The following DENND4C variants were observed in gnomAD, a reference collection of about 807,000 sequenced individuals.
The protein encoded by DENND4C is DENN domain containing 4C, also known as DENN domain-containing protein 4C.
A neutral mutation model predicts 203.0 loss-of-function variants in DENND4C; 108 were observed. The ratio of observed to expected loss-of-function variants is 0.53; its 90% CI spans 0.46 to 0.62. The LOEUF (loss-of-function observed/expected upper bound fraction) is 0.62. Ranked by LOEUF, DENND4C falls within the 20% of genes least tolerant of loss-of-function variation. The probability of loss-of-function intolerance (pLI) is 0.00; values close to 1 mark genes in which losing one functional copy is unlikely to be tolerated. For missense variants in DENND4C, 2,481 were observed against 2,301.2 expected (o/e 1.08, Z -1.60); for synonymous variants, 871 against 792.4 (o/e 1.10, Z -1.67).
chr9:19,297,737 C>T (rs1208090274), intron 6 of DENND4C, among the ~76,000 whole-genome samples: 2 of 152,126 alleles, frequency 1.3e-5, no homozygotes, highest in Admixed American at 1.3e-4. Context: ...CAGTTAGTTG[C>T]TCCCTGTACT....
In DENND4C at chr9:19,374,269, T is replaced by C. The variant is rs541011517; in HGVS notation, c.*2096T>C. Reference sequence around the variant, plus strand: ...CCATTAAAAAAAATCTGTAAAGATCTCTACCTTGAAAACTTTAGTCTGCTG... The same window carrying C: ...CCATTAAAAAAAATCTGTAAAGATCCCTACCTTGAAAACTTTAGTCTGCTG... On this transcript the variant is annotated 3_prime_UTR_variant, in exon 33 of 33. Coordinates refer to ENST00000434457, the MANE Select transcript of DENND4C (RefSeq NM_001330640.2). 6.6e-6 allele frequency among the ~76,000 whole-genome samples: 1 copy of C among 152,202 alleles called. No homozygotes were observed. Among genetic ancestry groups the C allele is most frequent in the African/African-American group, 2.4e-5 (1 of 41,460 alleles).
In DENND4C at chr9:19,230,829, A is replaced by T. The variant is rs188803404; in HGVS notation, c.-22A>T. 6.6e-6 allele frequency: 1 copy of T among 152,570 alleles called. No homozygotes were observed. The highest frequency in any genetic ancestry group is 1.5e-5 in the Non-Finnish European group (1 of 68,328). The allele number at this position is 152,570 out of a possible 1,614,324, so 9.5% of individuals were successfully genotyped here. On this transcript the variant is annotated 5_prime_UTR_variant, in exon 1 of 33. Coordinates refer to ENST00000434457, the MANE Select transcript of DENND4C (RefSeq NM_001330640.2). ...GGGCTGCGCTGACAGAGGAGCAGGC[A>T]GCAGGTGAGGCTGCGGCGCGGGGCC...
intron 1 of DENND4C, among the ~76,000 whole-genome samples, chr9:19,231,232 G>T (rs1820464854): frequency 6.6e-6 from 1 of 152,220 alleles, no homozygotes; most frequent in Admixed American, 6.5e-5. Flanking sequence ...TCCCAGAGGG[G>T]GTCGAGGCTG....
chr9:19,290,209 A>G (rs760042342), intron 4 of DENND4C, among the ~76,000 whole-genome samples: 2 of 152,154 alleles, frequency 1.3e-5, no homozygotes, highest in Non-Finnish European at 2.9e-5. Flanking sequence ...GTACTTAGTC[A>G]CAGTGTTTCT....
chr9:19,259,680 T>C (rs538212392), intron 1 of DENND4C, among the ~76,000 whole-genome samples: 1 of 152,044 alleles, frequency 6.6e-6, no homozygotes, highest in South Asian at 2.1e-4. Flanking sequence ...TAATTTTGTA[T>C]TTTTAGTAGA....
At chr9:19,331,013 G>A (rs900614906) in intron 16 of DENND4C, among the ~76,000 whole-genome samples, 2 of 151,516 alleles carry the variant, frequency 1.3e-5, no homozygotes, top group African/African-American at 4.9e-5. Flanking sequence ...CTGAGATCAC[G>A]CCATTGCACT....
chr9:19,310,642 T>A (rs1000333231), intron 10 of DENND4C, among the ~76,000 whole-genome samples: 1 of 152,150 alleles, frequency 6.6e-6, no homozygotes, highest in Non-Finnish European at 1.5e-5. Flanking sequence ...GTCATTAAAA[T>A]TTTTTTTAAA....
intron 1 of DENND4C, among the ~76,000 whole-genome samples, chr9:19,234,766 C>G (rs1411639733): frequency 6.6e-6 from 1 of 151,862 alleles, no homozygotes; most frequent in East Asian, 1.9e-4. Flanking sequence ...TGGTCTTGAA[C>G]TCTAAGTTCA....
Position 19,316,721 on chromosome 9 carries a change from A to G in DENND4C, c.1689A>G (p.Gln563=), listed in dbSNP as rs1296997697. Reference sequence around the variant, plus strand: ...TGACACAGCTTGAGATGGAAATTCAAGAGGCATTTTTGCGCTTTATGGCGT... The same window carrying G: ...TGACACAGCTTGAGATGGAAATTCAGGAGGCATTTTTGCGCTTTATGGCGT... ...KKMTQLEMEI[Q]EAFLRFMASI... is the part of the protein sequence containing the mutation. The change falls in exon 12 of 33, where the codon CAA becomes CAG. Residue 563 remains glutamine (Q), a synonymous_variant. Coordinates refer to ENST00000434457, the MANE Select transcript of DENND4C (RefSeq NM_001330640.2). 1.9e-6 allele frequency: 3 copies of G among 1,614,032 alleles called. No homozygotes were observed. Among genetic ancestry groups the G allele is most frequent in the Non-Finnish European group, 1.7e-6 (2 of 1,180,024 alleles).
rs772264387 is a variant in DENND4C at position 19,290,662 on chromosome 9, G to A, written c.629-42G>A. 5.7e-5 allele frequency: 74 copies of A among 1,297,672 alleles called. 1 individual carries two copies. The highest frequency in any genetic ancestry group is 1.4e-5 in the Non-Finnish European group (14 of 1,001,298). The allele number at this position is 1,297,672 out of a possible 1,614,324, so 80.4% of individuals were successfully genotyped here. A position where few individuals can be genotyped will look rare whatever the true frequency, so the allele number is the denominator to read the frequency against. On this transcript the variant is annotated intron_variant, in intron 4 of 32. Coordinates refer to ENST00000434457, the MANE Select transcript of DENND4C (RefSeq NM_001330640.2). ...CCTATCATATGCAATTTATGGAAAAGTAACTATTTAAAAAATTTATTGTTG... is the reference window on the plus strand; with the variant it reads ...CCTATCATATGCAATTTATGGAAAAATAACTATTTAAAAAATTTATTGTTG...
At chr9:19,275,270 G>T (rs1374746569) in intron 1 of DENND4C, among the ~76,000 whole-genome samples, 1 of 136,522 alleles carries the variant, frequency 7.3e-6, no homozygotes, top group Admixed American at 7.6e-5. Flanking sequence ...GAGCCACCAG[G>T]CCCGGCCTTT....
At chr9:19,304,358 T>G (rs1839219570) in intron 9 of DENND4C, among the ~76,000 whole-genome samples, 1 of 151,178 alleles carries the variant, frequency 6.6e-6, no homozygotes, top group Non-Finnish European at 1.5e-5. Context: ...CTAATTTTTG[T>G]GTTTCAGTAG....
intron 1 of DENND4C, among the ~76,000 whole-genome samples, chr9:19,240,277 T>C (rs1043131235): frequency 5.3e-5 from 8 of 152,202 alleles, no homozygotes; most frequent in Admixed American, 3.9e-4. Flanking sequence ...TACAAACCTG[T>C]ACAGCATATT....
intron 1 of DENND4C, among the ~76,000 whole-genome samples, chr9:19,234,676 C>T (rs962562529): frequency 1.3e-5 from 2 of 151,700 alleles, no homozygotes; most frequent in African/African-American, 2.4e-5. Flanking sequence ...TATAGGTGCG[C>T]GTGCATGTGC....
At chr9:19,320,121 T>C (rs970268605) in intron 12 of DENND4C, among the ~76,000 whole-genome samples, 2 of 151,936 alleles carry the variant, frequency 1.3e-5, no homozygotes, top group Non-Finnish European at 2.9e-5. Flanking sequence ...AAGTAAAAAA[T>C]AGGGGGAAAA....
intron 1 of DENND4C, among the ~76,000 whole-genome samples, chr9:19,252,837 G>A (rs1849016): frequency 0.87 from 132,897 of 152,090 alleles, 58,134 homozygotes; most frequent in Admixed American, 0.91. Flanking sequence ...CGGGGTTCAA[G>A]TAATTCTCAT....
At chr9:19,300,133 CAT>C in intron 8 of DENND4C, 52 bp from the exon 9 acceptor site, 1 of 1,501,238 alleles carries the variant, frequency 6.7e-7, no homozygotes, top group South Asian at 1.3e-5. Flanking sequence ...CAAATCTTAA[CAT>C]ATTTCAGCAA....
At chr9:19,307,393 C>CAAAAA (rs753710246) in intron 10 of DENND4C, among the ~76,000 whole-genome samples, 6 of 58,392 alleles carry the variant, frequency 1.0e-4, no homozygotes, top group African/African-American at 3.6e-4. Flanking sequence ...GACTCTGTCT[C>CAAAAA]AAAAAAAAAA....
chr9:19,356,786 T>TGAGAGA (rs1390196943), intron 26 of DENND4C, among the ~76,000 whole-genome samples, 186 bp from the exon 27 acceptor site: 23 of 118,834 alleles, frequency 1.9e-4, no homozygotes, highest in African/African-American at 7.9e-4. Context: ...TGTGTGTGTG[T>TGAGAGA]GTGAGAGAGA....
Sources: allele counts gnomAD v4.1 joint callset (sites outside exome capture counted in the v4.1 genomes callset), GRCh38; gene constraint gnomAD v4.1.1; transcripts MANE v1.5; gene names NCBI Gene and HGNC (gene_info 2026-07-23, HGNC 2026-07-21).